SLC20A2: variants seen among roughly 807,000 people sequenced by gnomAD.
SLC20A2 encodes solute carrier family 20 member 2.
In SLC20A2, 30 loss-of-function variants were observed where a neutral mutation model predicts 61.0. The observed-to-expected ratio is 0.49, with a 90% CI of 0.37 to 0.67. The LOEUF (loss-of-function observed/expected upper bound fraction) is 0.67, where lower values mean the gene tolerates loss of function less well. SLC20A2 is among the 30% of genes least tolerant of loss of function. The pLI is 0.00. For synonymous variants in SLC20A2, 351 were observed against 353.3 expected (o/e 0.99, Z 0.07); for missense variants, 626 against 866.4 (o/e 0.72, Z 3.48).
At position 42,417,899 on chromosome 8, in the gene SLC20A2, G is replaced by A. The variant is rs1183783797; in HGVS notation, c.1863C>T (p.Asn621=). ...CGGTCACGAACCAGGCCACGAAGAT[G>A]TTCCGAAAGAGGCGCCAGTCCACAG... The part of the protein sequence containing the change: ...RKAVDWRLFR[N]IFVAWFVTVP... Residue 621 remains asparagine (N), a synonymous_variant, in exon 11 of 11, where the codon AAC becomes AAT. Transcript: ENST00000520262. 6.2e-7 allele frequency: 1 copy of A among 1,614,072 alleles called. No homozygotes were observed. The highest frequency in any genetic ancestry group is 2.2e-5 in the East Asian group (1 of 44,874).
At position 42,430,237 on chromosome 8, in the gene SLC20A2, A is replaced by C; in HGVS notation, c.1536T>G (p.Gly512=). 1.2e-6 allele frequency: 2 copies of C among 1,611,816 alleles called. No homozygotes were observed. The highest frequency in any genetic ancestry group is 1.7e-6 in the Non-Finnish European group (2 of 1,179,270). Residue 512 remains glycine (G), a synonymous_variant, in exon 9 of 11, where the codon GGT becomes GGG. Transcript: ENST00000520262. ...HGGNDVSNAI[G]PLVALWLIYK... ...AAATCAGCCACAAGGCTACCAGGGG[A>C]CCGATGGCATTACTGGGAAAAATAA...
Position 42,472,353 on chromosome 8 carries a change from C to T in SLC20A2, c.38G>A (p.Gly13Asp), listed in dbSNP as rs778939538. ...GGCCAAGATGAAAGCTATGATGAAA[C>T]CCAAAATGACCATCCACAAATACTC... is the stretch of plus-strand genomic sequence containing the variant. ...MDEYLWMVIL[G>D]FIIAFILAFS... Residue 13 changes from glycine to aspartate, a missense_variant, in exon 2 of 11, where the codon GGT (glycine) becomes GAT (aspartate). Gly to Asp is a moderately conservative substitution (Grantham distance 94). Around this residue, in one of 3 missense-constraint regions of SLC20A2, gnomAD observed 127 missense variants for 215.4 expected, o/e 0.59. Transcript: ENST00000520262. This position sits in a 1 kb window ranked among gnomAD's most constrained non-coding sequence, Gnocchi z 4.1. 1.2e-6 allele frequency: 2 copies of T among 1,614,102 alleles called. No individual in the cohort carries two copies. Among genetic ancestry groups the T allele is most frequent in the African/African-American group, 1.3e-5 (1 of 75,028 alleles).
intron 5 of SLC20A2, 39 bp downstream of exon 5, chr8:42,459,857 G>A: frequency 7.7e-7 from 1 of 1,291,612 alleles, no homozygotes; most frequent in Non-Finnish European, 1.1e-6. Flanking sequence ...AGAATACAAT[G>A]CACTTTGCCC....
intron 10 of SLC20A2, among the ~76,000 whole-genome samples, chr8:42,421,409 C>G (rs149412388): frequency 6.6e-6 from 1 of 152,074 alleles, no homozygotes; most frequent in South Asian, 2.1e-4. Context: ...TTTTCCCTCC[C>G]GTTACATTTT....
At chr8:42,452,581 G>A (rs965374355) in intron 5 of SLC20A2, among the ~76,000 whole-genome samples, 1 of 151,074 alleles carries the variant, frequency 6.6e-6, no homozygotes, top group African/African-American at 2.4e-5. Context: ...GGAGCGGGAA[G>A]AGGAAGAGAT....
chr8:42,443,794 T>A (rs1406570396), intron 6 of SLC20A2, among the ~76,000 whole-genome samples: 4 of 152,176 alleles, frequency 2.6e-5, no homozygotes, highest in Non-Finnish European at 5.9e-5. Flanking sequence ...TCTGTTGCTA[T>A]AGATGAATTT....
chr8:42,537,370 C>CAAAA (rs34392956), intron 1 of SLC20A2, among the ~76,000 whole-genome samples: 12 of 86,142 alleles, frequency 1.4e-4, no homozygotes, highest in South Asian at 4.2e-4. Flanking sequence ...GACCCTGTCT[C>CAAAA]AAAAAAAAAA....
intron 1 of SLC20A2, among the ~76,000 whole-genome samples, chr8:42,539,035 G>A (rs1236725954): frequency 2.0e-5 from 3 of 151,980 alleles, no homozygotes; most frequent in African/African-American, 7.3e-5. Context: ...TCACTCCAAA[G>A]GAAAACATGT....
chr8:42,426,088 CAT>C (rs768156952), intron 10 of SLC20A2, among the ~76,000 whole-genome samples: 3 of 152,046 alleles, frequency 2.0e-5, no homozygotes, highest in East Asian at 1.9e-4. Flanking sequence ...ATAATGATAA[CAT>C]ATACATCTAT....
chr8:42,441,272 A>G (rs1804762519), intron 6 of SLC20A2, among the ~76,000 whole-genome samples: 1 of 150,608 alleles, frequency 6.6e-6, no homozygotes, highest in African/African-American at 2.5e-5. Context: ...CCCCTGCCTC[A>G]GCCTCCTGAG....
At chr8:42,497,923 C>A (rs1285351849) in intron 1 of SLC20A2, among the ~76,000 whole-genome samples, 1 of 152,132 alleles carries the variant, frequency 6.6e-6, no homozygotes, top group Admixed American at 6.6e-5. Flanking sequence ...GCTTCTAACT[C>A]CTTTACAAGC....
intron 5 of SLC20A2, among the ~76,000 whole-genome samples, chr8:42,445,450 G>A (rs1276860654): frequency 6.6e-6 from 1 of 152,012 alleles, no homozygotes; most frequent in Non-Finnish European, 1.5e-5. Flanking sequence ...CTGAGGTCGG[G>A]CATGATGGCT....
intron 4 of SLC20A2, 79 bp downstream of exon 4, chr8:42,462,926 C>A (rs1464030195): frequency 9.3e-6 from 7 of 752,482 alleles, no homozygotes; most frequent in Non-Finnish European, 1.3e-5. Context: ...ATTCCTCTAA[C>A]CCCTCTCATT....
chr8:42,445,102 G>A (rs1805105999), intron 5 of SLC20A2, among the ~76,000 whole-genome samples: 1 of 151,888 alleles, frequency 6.6e-6, no homozygotes, highest in South Asian at 2.1e-4. Flanking sequence ...GATCAGCCTG[G>A]CCAATATAGT....
intron 1 of SLC20A2, among the ~76,000 whole-genome samples, chr8:42,518,412 A>G (rs1228168507): frequency 2.6e-5 from 4 of 152,218 alleles, no homozygotes; most frequent in Non-Finnish European, 2.9e-5. Flanking sequence ...ATCTATATCT[A>G]TTGACCTGGA....
At chr8:42,440,022 T>C (rs1804647727) in intron 6 of SLC20A2, among the ~76,000 whole-genome samples, 1 of 151,366 alleles carries the variant, frequency 6.6e-6, no homozygotes, top group Non-Finnish European at 1.5e-5. Flanking sequence ...GAGGCAGAAT[T>C]AGCAGTGAGC....
At chr8:42,426,513 T>A (rs1293085365) in intron 10 of SLC20A2, among the ~76,000 whole-genome samples, 1 of 152,126 alleles carries the variant, frequency 6.6e-6, no homozygotes, top group Non-Finnish European at 1.5e-5. Flanking sequence ...CTTGCCAACA[T>A]GGTGAAGCCA....
intron 10 of SLC20A2, among the ~76,000 whole-genome samples, chr8:42,424,471 G>A (rs992874178): frequency 2.0e-5 from 3 of 152,024 alleles, no homozygotes; most frequent in Non-Finnish European, 4.4e-5. Context: ...ATGAGCCACC[G>A]TACCTGGCCA....
rs1491317703 is a variant in SLC20A2 at position 42,438,062 on chromosome 8, CCA to C, written c.935-487_935-486del. ...ATATGGTTACCACTAAAAAAAAAAA[CCA>C]AAAAAAAAAAAAAAAAAAAAAAAAA... On this transcript the variant is annotated intron_variant, in intron 7 of 10. Transcript: ENST00000520262. Among the ~76,000 whole-genome samples the C allele has an allele frequency of 3.8e-4, 37 of 96,846 alleles. 1 individual carries two copies. The highest frequency in any genetic ancestry group is 1.3e-3 in the African/African-American group (33 of 26,208). 63.5% of individuals were successfully genotyped at this position (96,846 alleles called of 152,430 possible). A position where few individuals can be genotyped will look rare whatever the true frequency, so the allele number is the denominator to read the frequency against.
Sources: allele counts gnomAD v4.1 joint callset (sites outside exome capture counted in the v4.1 genomes callset), GRCh38; gene constraint gnomAD v4.1.1; regional missense constraint gnomAD v4.1.1; non-coding constraint Gnocchi (gnomAD v3.1); transcripts MANE v1.5; gene names NCBI Gene and HGNC (gene_info 2026-07-23, HGNC 2026-07-21).